NOLC1: variants seen among roughly 807,000 people sequenced by gnomAD.
NOLC1 encodes the protein 140 kDa nucleolar phosphoprotein.
Under a neutral mutation model 73.4 loss-of-function variants are expected in NOLC1, and 37 were observed. That is an observed-to-expected ratio of 0.50 (90% CI 0.39 to 0.66). NOLC1 has a LOEUF of 0.66. Ranked by LOEUF, NOLC1 falls within the 30% of genes least tolerant of loss-of-function variation. NOLC1 has a pLI of 0.00. For synonymous variants in NOLC1, 327 were observed against 302.6 expected (o/e 1.08, Z -0.84); for missense variants, 921 against 838.9 (o/e 1.10, Z -1.21).
At chr10:102,154,062 G>A (rs2069550221) in intron 1 of NOLC1, among the ~76,000 whole-genome samples, 1 of 143,762 alleles carries the variant, frequency 7.0e-6, no homozygotes, top group South Asian at 2.2e-4. Flanking sequence ...CCCTTCACAT[G>A]CATTTAATTT....
In NOLC1 at chr10:102,158,116, AT is replaced by A; in HGVS notation, c.511del (p.Ser171LeufsTer17). Reference protein sequence around the residue: ...PPKKAKSSDSDSDSSSEDEPP... With the variant: ...PPKKAKSSDSXSDSSSEDEPP... ...AAGAAGGCCAAGAGCTCTGATTCTG[AT>A]TCTGACTCAAGCTCCGAGGATGAGC... On this transcript the variant is annotated frameshift_variant, in exon 5 of 13. Transcript: ENST00000605788. LOFTEE classifies it high-confidence loss of function. 6.2e-7 allele frequency: 1 copy of A among 1,614,144 alleles called. No homozygotes were observed. The highest frequency in any genetic ancestry group is 8.5e-7 in the Non-Finnish European group (1 of 1,180,006).
rs559262367 is a variant in NOLC1 at position 102,162,005 on chromosome 10, G to A, written c.1941+80G>A. On this transcript the variant is annotated intron_variant, in intron 12 of 12. Transcript: ENST00000605788. ...GACAATTCTTGGTTCAGGTTGGTGG[G>A]AATCTTCTCTGGGTTCAGGTTTCCT... 3.1e-6 allele frequency: 5 copies of A among 1,602,668 alleles called. No individual in the cohort carries two copies. The South Asian group carries it at 3.3e-5, about 11-fold the overall frequency.
At chr10:102,157,362 C>A (rs751248687) in intron 3 of NOLC1, 34 bp downstream of exon 3, 5 of 1,612,928 alleles carry the variant, frequency 3.1e-6, no homozygotes, top group Non-Finnish European at 3.4e-6. Context: ...TTGGTGGTGC[C>A]AGGAAAAGAA....
intron 2 of NOLC1, 28 bp from the exon 3 acceptor site, chr10:102,157,161 T>A: frequency 6.2e-7 from 1 of 1,613,840 alleles, no homozygotes; most frequent in Middle Eastern, 1.6e-4. Context: ...TCCAGTCCCC[T>A]AGAAATTGGT....
intron 1 of NOLC1, among the ~76,000 whole-genome samples, chr10:102,153,640 T>C (rs939938591): frequency 2.0e-5 from 3 of 151,364 alleles, no homozygotes; most frequent in African/African-American, 7.3e-5. Context: ...CACAGTGGAC[T>C]GGATGGAATT....
At chr10:102,154,925 A>G (rs2069565988) in intron 1 of NOLC1, among the ~76,000 whole-genome samples, 1 of 151,654 alleles carries the variant, frequency 6.6e-6, no homozygotes, top group African/African-American at 2.4e-5. Context: ...ATGCAATCAT[A>G]CTTCGCTGTA....
intron 1 of NOLC1, 54 bp downstream of exon 1, chr10:102,152,584 G>T: frequency 8.1e-6 from 13 of 1,607,750 alleles, no homozygotes. Context: ...AAGGCTTCAG[G>T]CCCTGACGTG....
chr10:102,158,651 T>C (rs1011531683), intron 5 of NOLC1, among the ~76,000 whole-genome samples: 1 of 152,188 alleles, frequency 6.6e-6, no homozygotes, highest in African/African-American at 2.4e-5. Flanking sequence ...GAGGTTGAAG[T>C]GAAAGATTTT....
Position 102,157,921 on chromosome 10 carries a change from G to A in NOLC1, c.442-128G>A, listed in dbSNP as rs182894150. On this transcript the variant is annotated intron_variant, in intron 4 of 12. Coordinates refer to ENST00000605788, the MANE Select transcript of NOLC1 (RefSeq NM_004741.5). ...AACTTTGTTGTTTTTTGCCCTTTCCGTATCCTGTCCTTAGCTTTCTTTTGC... is the reference window on the plus strand; with the variant it reads ...AACTTTGTTGTTTTTTGCCCTTTCCATATCCTGTCCTTAGCTTTCTTTTGC... 552 of 835,570 alleles carry A rather than the reference G, an allele frequency of 6.6e-4. 5 individuals are homozygous for A. Among genetic ancestry groups the A allele is most frequent in the Non-Finnish European group, 8.1e-4 (441 of 542,124 alleles). 51.8% of individuals were successfully genotyped at this position (835,570 alleles called of 1,614,324 possible).
At chr10:102,152,626 C>T (rs2069525302) in intron 1 of NOLC1, 96 bp downstream of exon 1, 2 of 1,549,558 alleles carry the variant, frequency 1.3e-6, no homozygotes, top group South Asian at 1.2e-5. Flanking sequence ...GTCTGGGGGT[C>T]CGCCAGTCCA....
In NOLC1 at chr10:102,157,044, C is replaced by T. The variant is rs754375072; in HGVS notation, c.146C>T (p.Ser49Phe). 6.8e-6 allele frequency: 11 copies of T among 1,614,070 alleles called. No individual in the cohort carries two copies. The highest frequency in any genetic ancestry group is 3.4e-6 in the Non-Finnish European group (4 of 1,180,040). Reference sequence around the variant, plus strand: ...ACACAGCAGGATGCCAATGCCTCTTCCCTCTTAGACATCTATAGCTTCTGG... The same window carrying T: ...ACACAGCAGGATGCCAATGCCTCTTTCCTCTTAGACATCTATAGCTTCTGG... ...GATQQDANAS[S>F]LLDIYSFWLK... Residue 49 changes from serine to phenylalanine, a missense_variant, in exon 2 of 13, where the codon TCC becomes TTC. Physicochemically the swap from Ser to Phe is radical, Grantham distance 155. Transcript: ENST00000605788.
In NOLC1 at chr10:102,161,877, G is replaced by T; in HGVS notation, c.1893G>T (p.Glu631Asp). 1 of 1,614,160 alleles carries T rather than the reference G, an allele frequency of 6.2e-7. No individual in the cohort carries two copies. The highest frequency in any genetic ancestry group is 8.5e-7 in the Non-Finnish European group (1 of 1,180,038). Residue 631 changes from glutamate to aspartate, a missense_variant, in exon 12 of 13, where the codon GAG becomes GAT. By Grantham distance (45) the Glu-to-Asp change is conservative. Transcript: ENST00000605788. The part of the protein sequence containing the change: ...ASSPFRRVRE[E>D]EIEVDSRVAD... Reference sequence around the variant, plus strand: ...CCCCATTCCGAAGGGTCAGGGAGGAGGAAATTGAGGTGGATTCACGAGTTG... The same window carrying T: ...CCCCATTCCGAAGGGTCAGGGAGGATGAAATTGAGGTGGATTCACGAGTTG...
chr10:102,159,949 G>T lies in NOLC1; in HGVS notation c.913G>T (p.Gly305Ter). The T allele has an allele frequency of 6.2e-7, 1 of 1,610,188 alleles. No homozygotes were observed. The highest frequency in any genetic ancestry group is 8.5e-7 in the Non-Finnish European group (1 of 1,178,190). Residue 305 changes from glycine (G) to a stop codon, truncating the protein, a stop_gained, in exon 8 of 13, where the codon GGA (glycine) becomes TGA (stop). Coordinates refer to ENST00000605788, the MANE Select transcript of NOLC1 (RefSeq NM_004741.5). LOFTEE classifies it high-confidence loss of function. ...TGCTCCCCCACCAAAGAAGTCTCTG[G>T]GAACCCAGCCTCCCAAGAAGGCTGT... is the stretch of plus-strand genomic sequence containing the variant. The part of the protein sequence containing the change: ...PSAPPPKKSL[G>*]TQPPKKAVEK...
At chr10:102,156,632 A>G (rs1038717731) in intron 1 of NOLC1, among the ~76,000 whole-genome samples, 2 of 150,306 alleles carry the variant, frequency 1.3e-5, no homozygotes, top group Non-Finnish European at 3.0e-5. Flanking sequence ...ATGGGGTTTC[A>G]CCATGTTGGC....
intron 1 of NOLC1, among the ~76,000 whole-genome samples, chr10:102,155,815 A>C (rs1342924065): frequency 6.6e-6 from 1 of 151,540 alleles, no homozygotes; most frequent in Non-Finnish European, 1.5e-5. Flanking sequence ...CTGGCCCTTA[A>C]ATGCAGTTCT....
At chr10:102,154,035 A>G (rs953076017) in intron 1 of NOLC1, among the ~76,000 whole-genome samples, 8 of 150,556 alleles carry the variant, frequency 5.3e-5, no homozygotes, top group African/African-American at 1.5e-4. Context: ...AGAGCTAACT[A>G]AGGGTCAGAT....
rs1370185935 is a variant in NOLC1 at position 102,162,111 on chromosome 10, C to T, written c.1942C>T (p.Arg648Ter). The change falls in exon 13 of 13, where the codon CGA becomes TGA. Residue 648 changes from arginine (R) to a stop codon, truncating the protein, a stop_gained and splice_region_variant. Transcript: ENST00000605788. LOFTEE classifies it high-confidence loss of function. ...RVADNSFDAK[R>*]GAAGDWGERA... is the part of the protein sequence containing the mutation. The stretch of plus-strand genomic sequence containing the variant: ...GTTAATCTCCCTCTCTACTTACCAG[C>T]GAGGTGCAGCCGGAGACTGGGGAGA... 1.9e-6 allele frequency: 3 copies of T among 1,613,456 alleles called. No homozygotes were observed. The highest frequency in any genetic ancestry group is 1.1e-5 in the South Asian group (1 of 91,012).
chr10:102,152,543 C>G lies in NOLC1; in HGVS notation c.120+13C>G. The G allele has an allele frequency of 6.2e-7, 1 of 1,613,354 alleles. No homozygotes were observed. Among genetic ancestry groups the G allele is most frequent in the Non-Finnish European group, 8.5e-7 (1 of 1,179,966 alleles). ...AGCGACAGGAGCTGTGAGTTCCGGG[C>G]TTGGGGCGGGGACCGGGCTGAGATG... is the stretch of plus-strand genomic sequence containing the variant. On this transcript the variant is annotated intron_variant, in intron 1 of 12. Coordinates refer to ENST00000605788, the MANE Select transcript of NOLC1 (RefSeq NM_004741.5).
intron 3 of NOLC1, 48 bp from the exon 4 acceptor site, chr10:102,157,383 G>A (rs1411926407): frequency 6.2e-7 from 1 of 1,613,552 alleles, no homozygotes; most frequent in Admixed American, 1.7e-5. Flanking sequence ...TTTACAGCCT[G>A]CTTGTTTCAC....
Sources: allele counts gnomAD v4.1 joint callset (sites outside exome capture counted in the v4.1 genomes callset), GRCh38; gene constraint gnomAD v4.1.1; transcripts MANE v1.5; gene names NCBI Gene and HGNC (gene_info 2026-07-23, HGNC 2026-07-21).